GLMN: variants seen among roughly 807,000 people sequenced by gnomAD.
GLMN encodes the protein glomulin, FKBP associated protein.
In GLMN, 75 loss-of-function variants were observed where a neutral mutation model predicts 87.8. The ratio of observed to expected loss-of-function variants is 0.85; its 90% confidence interval spans 0.71 to 1.04. The LOEUF (loss-of-function observed/expected upper bound fraction) is 1.04, where lower values mean the gene tolerates loss of function less well. Among genes scored for constraint, GLMN ranks in the 50% least tolerant of loss-of-function variants. The pLI, the probability that GLMN is intolerant of heterozygous loss-of-function variation, is 0.00. For synonymous variants in GLMN, 206 were observed against 221.6 expected (o/e 0.93, Z 0.63); for missense variants, 588 against 658.8 (o/e 0.89, Z 1.18).
chr1:92,356,259 G>A, the GLMN span, among the ~76,000 whole-genome samples: 1 of 152,010 alleles, frequency 6.6e-6, no homozygotes, highest in African/African-American at 2.4e-5. Flanking sequence ...TTACAGGTGT[G>A]AGCCACCATG....
chr1:92,279,276 C>A (rs1158496330), intron 7 of GLMN, among the ~76,000 whole-genome samples: 1 of 151,710 alleles, frequency 6.6e-6, no homozygotes, highest in Non-Finnish European at 1.5e-5. Context: ...GCCAACATGG[C>A]GAAACCCCAA....
the GLMN span, among the ~76,000 whole-genome samples, chr1:92,357,065 CAAAAAAA>C: frequency 2.0e-3 from 239 of 117,060 alleles, 1 homozygote; most frequent in Non-Finnish European, 2.9e-3. Flanking sequence ...GACTCTGTCT[CAAAAAAA>C]AAAAAGAAAA....
At chr1:92,320,913 T>C in the GLMN span, among the ~76,000 whole-genome samples, 3 of 152,232 alleles carry the variant, frequency 2.0e-5, no homozygotes, top group Non-Finnish European at 4.4e-5. Context: ...CCATCTCAGA[T>C]ACCATGCTTC....
the GLMN span, among the ~76,000 whole-genome samples, chr1:92,322,777 C>T: frequency 3.3e-5 from 5 of 150,314 alleles, no homozygotes; most frequent in African/African-American, 4.9e-5. Context: ...CTTGGGAGGC[C>T]GAGGTGGGAG....
the GLMN span, among the ~76,000 whole-genome samples, chr1:92,366,387 AAAC>A: frequency 6.6e-6 from 1 of 152,176 alleles, no homozygotes; most frequent in Admixed American, 6.5e-5. Flanking sequence ...ATTTACTGAA[AAAC>A]AACATCAATA....
Position 92,298,057 on chromosome 1 carries a change from A to C in GLMN, c.-30-28T>G, listed in dbSNP as rs958394419. 4.4e-6 allele frequency: 4 copies of C among 916,320 alleles called. No homozygotes were observed. In the African/African-American group the frequency reaches 6.5e-5, roughly 15 times the overall value. The allele number at this position is 916,320 out of a possible 1,614,324, so 56.8% of individuals were successfully genotyped here. ...ACAAATACAAAACACACTGTTAACT[A>C]TCCGTGATATTACACTTAAGTATTC... On this transcript the variant is annotated intron_variant, in intron 1 of 18. Transcript: ENST00000370360.
chr1:92,286,141 T>C (rs1007214483), intron 7 of GLMN, among the ~76,000 whole-genome samples: 41 of 151,764 alleles, frequency 2.7e-4, no homozygotes, highest in African/African-American at 9.9e-4. Context: ...AAATACATTA[T>C]ACTAAGTCCA....
At chr1:92,280,736 T>C (rs1445149622) in intron 7 of GLMN, among the ~76,000 whole-genome samples, 3 of 152,030 alleles carry the variant, frequency 2.0e-5, no homozygotes, top group Non-Finnish European at 4.4e-5. Context: ...GTAAGACAAA[T>C]AGCTAACTAG....
At chr1:92,334,362 A>G in the GLMN span, among the ~76,000 whole-genome samples, 1 of 152,136 alleles carries the variant, frequency 6.6e-6, no homozygotes, top group East Asian at 1.9e-4. Flanking sequence ...AAAAGTGTTT[A>G]TTTCAGAGTA....
Position 92,288,725 on chromosome 1 carries a change from G to A in GLMN, c.632+189C>T, listed in dbSNP as rs77701296. ...ATTACATGTGTGAGCCACTACACCCGGCCTATAATTTTTTAAAATATAAAT... is the reference window on the plus strand; with the variant it reads ...ATTACATGTGTGAGCCACTACACCCAGCCTATAATTTTTTAAAATATAAAT... On this transcript the variant is annotated intron_variant, in intron 6 of 18. Transcript: ENST00000370360. Among the ~76,000 whole-genome samples, 5,235 of 152,028 alleles carry A rather than the reference G, an allele frequency of 0.034. 108 individuals are homozygous for A. The highest frequency in any genetic ancestry group is 0.052 in the Non-Finnish European group (3,549 of 67,988).
the GLMN span, among the ~76,000 whole-genome samples, chr1:92,305,084 G>C: frequency 2.6e-5 from 4 of 151,862 alleles, no homozygotes; most frequent in Non-Finnish European, 5.9e-5. Context: ...ACAGTGAGCC[G>C]AGATCATGCC....
At chr1:92,365,696 G>A in the GLMN span, among the ~76,000 whole-genome samples, 1 of 152,180 alleles carries the variant, frequency 6.6e-6, no homozygotes, top group African/African-American at 2.4e-5. Flanking sequence ...CAGCAAAACT[G>A]TTGGTTTTCA....
At chr1:92,251,551 T>C (rs1040635263) in intron 16 of GLMN, among the ~76,000 whole-genome samples, 9 of 152,218 alleles carry the variant, frequency 5.9e-5, no homozygotes, top group Middle Eastern at 3.4e-3. Flanking sequence ...TTAGAACCCA[T>C]AAATAATGAA....
chr1:92,300,049 T>C (rs1010840951), upstream of GLMN: 2 of 608,526 alleles, frequency 3.3e-6, no homozygotes, highest in African/African-American at 3.7e-5. Flanking sequence ...GTTACTGTAC[T>C]AAGTACTGTA....
the GLMN span, among the ~76,000 whole-genome samples, chr1:92,328,974 G>T: frequency 2.0e-5 from 3 of 152,224 alleles, no homozygotes; most frequent in African/African-American, 7.2e-5. Context: ...GGGAGTGTCT[G>T]CAAAGGGTCC....
the GLMN span, among the ~76,000 whole-genome samples, chr1:92,306,528 A>C: frequency 2.3e-3 from 348 of 152,366 alleles, 1 homozygote; most frequent in African/African-American, 8.0e-3. Flanking sequence ...AAAATTAATA[A>C]GCTACAACTA....
At chr1:92,275,087 G>A (rs1390123658) in intron 7 of GLMN, among the ~76,000 whole-genome samples, 1 of 152,198 alleles carries the variant, frequency 6.6e-6, no homozygotes, top group Non-Finnish European at 1.5e-5. Flanking sequence ...TACCACTATA[G>A]TTGTGGTTTC....
At chr1:92,266,587 G>A (rs765951626) in intron 12 of GLMN, 95 bp from the exon 13 acceptor site, 62 of 1,027,834 alleles carry the variant, frequency 6.0e-5, no homozygotes, top group Non-Finnish European at 9.1e-5. Context: ...ATCCACACTT[G>A]TACCTCCTAA....
intron 7 of GLMN, among the ~76,000 whole-genome samples, chr1:92,286,222 A>G (rs1319967196): frequency 6.6e-6 from 1 of 150,742 alleles, no homozygotes; most frequent in Non-Finnish European, 1.5e-5. Flanking sequence ...AAGGTAGATT[A>G]CAAGATTATA....
Sources: allele counts gnomAD v4.1 joint callset (sites outside exome capture counted in the v4.1 genomes callset), GRCh38; gene constraint gnomAD v4.1.1; transcripts MANE v1.5; gene names NCBI Gene and HGNC (gene_info 2026-07-23, HGNC 2026-07-21).